Variants in TNNI3K observed in about 807,000 individuals in gnomAD.
TNNI3K encodes serine/threonine-protein kinase TNNI3K.
In TNNI3K, 140 loss-of-function variants were observed where a neutral mutation model predicts 114.5. The observed-to-expected ratio is 1.22, with a 90% CI of 1.07 to 1.41. The LOEUF (loss-of-function observed/expected upper bound fraction) is 1.41, where lower values mean the gene tolerates loss of function less well. Among genes scored for constraint, TNNI3K ranks in the 40% most tolerant of loss-of-function variants. TNNI3K has a pLI of 0.00. For missense variants in TNNI3K, 1,125 were observed against 1,007.6 expected, an observed-to-expected ratio of 1.12 and a Z score of -1.58; for synonymous variants, 347 against 347.5, an observed-to-expected ratio of 1.00 and a Z score of 0.02.
At chr1:74,538,255 T>C (rs1646683603) in intron 23 of TNNI3K, among the ~76,000 whole-genome samples, 1 of 152,032 alleles carries the variant, frequency 6.6e-6, no homozygotes, top group Non-Finnish European at 1.5e-5. Flanking sequence ...GAGACCCAAG[T>C]AGGGCTATAG....
At chr1:74,266,269 A>T (rs1032300181) in intron 4 of TNNI3K, among the ~76,000 whole-genome samples, 1 of 151,996 alleles carries the variant, frequency 6.6e-6, no homozygotes, top group Non-Finnish European at 1.5e-5. Context: ...AGAACAGTTG[A>T]TTGGAGAGCC....
intron 23 of TNNI3K, among the ~76,000 whole-genome samples, chr1:74,525,775 C>T (rs1379545972): frequency 6.6e-6 from 1 of 152,086 alleles, no homozygotes; most frequent in African/African-American, 2.4e-5. Context: ...AATACAGAAG[C>T]CGGGAGCAGC....
At chr1:74,361,002 T>C (rs1344824716) in intron 11 of TNNI3K, among the ~76,000 whole-genome samples, 2 of 152,116 alleles carry the variant, frequency 1.3e-5, no homozygotes, top group Non-Finnish European at 2.9e-5. Context: ...GAAAATATTT[T>C]AGACAACATT....
At chr1:74,459,820 G>A (rs912787234) in intron 20 of TNNI3K, among the ~76,000 whole-genome samples, 23 of 152,154 alleles carry the variant, frequency 1.5e-4, no homozygotes, top group Non-Finnish European at 1.6e-4. Flanking sequence ...CAAGGGAGAA[G>A]TTGAATCCAC....
At chr1:74,238,476 G>C (rs913165118) in intron 2 of TNNI3K, among the ~76,000 whole-genome samples, 18 of 152,080 alleles carry the variant, frequency 1.2e-4, no homozygotes, top group African/African-American at 4.3e-4. Context: ...CAGTTTGAAG[G>C]ATAGAAGACT....
Position 74,276,334 on chromosome 1 carries a change from G to C in TNNI3K, c.444+4626G>C, listed in dbSNP as rs376168868. Among the ~76,000 whole-genome samples, 219 of 152,136 alleles carry C rather than the reference G, an allele frequency of 1.4e-3. 7 individuals are homozygous for C. In the South Asian group the frequency reaches 0.044, roughly 31 times the overall value. ...ATATTGGGCATAATGGATGGTCATA[G>C]GACCGAGCCTAAGAGAATCTCCCCG... On this transcript the variant is annotated intron_variant, in intron 5 of 24. Coordinates refer to ENST00000326637, the MANE Select transcript of TNNI3K (RefSeq NM_015978.3).
intron 17 of TNNI3K, among the ~76,000 whole-genome samples, chr1:74,424,336 G>C (rs1214004423): frequency 1.3e-5 from 2 of 152,084 alleles, no homozygotes; most frequent in Non-Finnish European, 2.9e-5. Flanking sequence ...GAGTAGTAAA[G>C]ACAAAATGAG....
chr1:74,489,147 C>T (rs986221160), intron 21 of TNNI3K, 42 bp from the exon 22 acceptor site: 6 of 1,574,046 alleles, frequency 3.8e-6, no homozygotes, highest in Non-Finnish European at 5.2e-6. Context: ...AGTCTCCTTC[C>T]TTTTATTCTT....
At chr1:74,407,359 T>C (rs1198574709) in intron 17 of TNNI3K, among the ~76,000 whole-genome samples, 2 of 152,142 alleles carry the variant, frequency 1.3e-5, no homozygotes, top group African/African-American at 4.8e-5. Flanking sequence ...TTCTGCCATA[T>C]CAGATACAAG....
chr1:74,263,213 G>T (rs1655780484), intron 4 of TNNI3K, among the ~76,000 whole-genome samples: 1 of 151,952 alleles, frequency 6.6e-6, no homozygotes, highest in African/African-American at 2.4e-5. Flanking sequence ...AAATTTCAGA[G>T]AATCATAAAT....
At chr1:74,338,614 C>G (rs1192755238) in intron 7 of TNNI3K, among the ~76,000 whole-genome samples, 3 of 151,834 alleles carry the variant, frequency 2.0e-5, no homozygotes, top group African/African-American at 4.8e-5. Flanking sequence ...TCTGGAACTG[C>G]CAGTTCCTTG....
In TNNI3K at chr1:74,358,757, T is replaced by A. The variant is rs543457660; in HGVS notation, c.1177+4628T>A. On this transcript the variant is annotated intron_variant, in intron 11 of 24. Transcript: ENST00000326637. ...TCTTACATGTTTAGCTGCTCTCTTT[T>A]AAAAAAAATAAGTAAGTAAAATAAT... Among the ~76,000 whole-genome samples, 22 of 151,780 alleles carry A rather than the reference T, an allele frequency of 1.4e-4. No homozygotes were observed. In the East Asian group the frequency reaches 3.9e-3, roughly 27 times the overall value.
chr1:74,309,365 T>A (rs865798425), intron 5 of TNNI3K, among the ~76,000 whole-genome samples: 1 of 746 alleles, frequency 1.3e-3, no homozygotes, highest in Non-Finnish European at 3.8e-3. Context: ...AGACTCTGTC[T>A]CAAAAAAAAA....
chr1:74,471,471 T>G (rs1484680271), intron 21 of TNNI3K: 2 of 400,588 alleles, frequency 5.0e-6, no homozygotes, highest in Non-Finnish European at 8.8e-6. Flanking sequence ...AATTTAATTT[T>G]AAGTTTTGTC....
intron 4 of TNNI3K, among the ~76,000 whole-genome samples, chr1:74,262,058 A>AC (rs1655708296): frequency 6.6e-6 from 1 of 151,760 alleles, no homozygotes; most frequent in African/African-American, 2.4e-5. Context: ...TTTTATCCTG[A>AC]CTTTTTTTTT....
intron 20 of TNNI3K, among the ~76,000 whole-genome samples, chr1:74,446,048 T>C (rs1162922207): frequency 1.3e-5 from 2 of 152,062 alleles, no homozygotes; most frequent in East Asian, 3.9e-4. Context: ...CATTTGGGTA[T>C]ATACCCAGTA....
intron 20 of TNNI3K, among the ~76,000 whole-genome samples, chr1:74,441,823 T>C (rs1666386605): frequency 6.6e-6 from 1 of 152,116 alleles, no homozygotes; most frequent in South Asian, 2.1e-4. Flanking sequence ...CATCATTTAG[T>C]TGTAAGAGTT....
chr1:74,314,803 T>C (rs1177818631), intron 5 of TNNI3K, among the ~76,000 whole-genome samples: 2 of 152,192 alleles, frequency 1.3e-5, no homozygotes, highest in African/African-American at 4.8e-5. Flanking sequence ...ATGTTTGTAG[T>C]TAGATAATAG....
intron 17 of TNNI3K, among the ~76,000 whole-genome samples, chr1:74,422,832 A>G (rs1665463318): frequency 1.3e-5 from 2 of 152,162 alleles, no homozygotes; most frequent in African/African-American, 4.8e-5. Context: ...AATACAAAGT[A>G]TCCACAATGT....
Sources: gnomAD v4.1 joint callset for allele counts (sites outside exome capture counted in the v4.1 genomes callset) on GRCh38, gnomAD v4.1.1 for gene constraint, MANE v1.5 for transcripts, NCBI Gene and HGNC (gene_info 2026-07-23, HGNC 2026-07-21) for gene names.